CTNNA1: variants seen among roughly 807,000 people sequenced by gnomAD.
CTNNA1 encodes the protein catenin alpha-1.
CTNNA1 carries 37 observed loss-of-function variants against 98.4 expected under a neutral mutation model. That is an observed-to-expected ratio of 0.38 (90% CI 0.29 to 0.49). The LOEUF (loss-of-function observed/expected upper bound fraction) is 0.49, where lower values mean the gene tolerates loss of function less well. Among genes scored for constraint, CTNNA1 ranks in the 20% least tolerant of loss-of-function variants. The pLI is 0.95. For synonymous variants in CTNNA1, 404 were observed against 413.2 expected (o/e 0.98, Z 0.27); for missense variants, 761 against 1,147.2 (o/e 0.66, Z 4.86).
intron 7 of CTNNA1, chr5:138,872,027 A>AGGGT (rs761374260): frequency 4.5e-5 from 6 of 133,148 alleles, no homozygotes; most frequent in Admixed American, 1.5e-4. Flanking sequence ...AGAGCGCGAG[A>AGGGT]GTGTGTGTGT....
intron 7 of CTNNA1, chr5:138,871,077 A>G (rs1331909344): frequency 2.0e-5 from 3 of 152,124 alleles, no homozygotes; most frequent in African/African-American, 7.2e-5. Context: ...GTACTAAGGT[A>G]CCCATCTCTT....
At chr5:138,813,881 G>A (rs1019497200) in intron 5 of CTNNA1, among the ~76,000 whole-genome samples, 1 of 152,114 alleles carries the variant, frequency 6.6e-6, no homozygotes, top group Non-Finnish European at 1.5e-5. Flanking sequence ...GCCTCCCAAG[G>A]TACTGGGATT....
At chr5:138,846,036 C>T (rs1046254477) in intron 7 of CTNNA1, among the ~76,000 whole-genome samples, 13 of 152,278 alleles carry the variant, frequency 8.5e-5, no homozygotes, top group African/African-American at 3.1e-4. Context: ...AAGCGATTCT[C>T]CTGCCTCAGC....
intron 10 of CTNNA1, 159 bp downstream of exon 10, chr5:138,904,600 T>C: frequency 1.0e-6 from 1 of 1,001,148 alleles, no homozygotes; most frequent in Non-Finnish European, 1.4e-6. Context: ...TTGGAATATT[T>C]TTTGTTTAAC....
Position 138,873,340 on chromosome 5 carries a change from G to A in CTNNA1, c.1063-12872G>A, listed in dbSNP as rs774501018. The A allele has an allele frequency of 8.1e-6, 13 of 1,613,916 alleles. No homozygotes were observed. The Admixed American group carries it at 1.7e-4, about 21-fold the overall frequency. On this transcript the variant is annotated intron_variant, in intron 7 of 17. Coordinates refer to ENST00000302763, the MANE Select transcript of CTNNA1 (RefSeq NM_001903.5). The surrounding 1 kb of genome is among the most constrained non-coding windows in gnomAD (Gnocchi z 6.1). ...TGTCTGGTTCAGGAAAGTGTTCCTC[G>A]GTAGTAACTGCTATGCCTGCAGTAG...
At chr5:138,790,091 A>C (rs1429132893) in intron 3 of CTNNA1, among the ~76,000 whole-genome samples, 1 of 152,194 alleles carries the variant, frequency 6.6e-6, no homozygotes, top group African/African-American at 2.4e-5. Context: ...GACAGCCCAG[A>C]GGTAGGACCT....
rs776502655 is a variant in CTNNA1, at chr5:138,874,020, G to A, written c.1063-12192G>A. On this transcript the variant is annotated intron_variant, in intron 7 of 17. Transcript: ENST00000302763. The surrounding 1 kb of genome is among the most constrained non-coding windows in gnomAD (Gnocchi z 4.1). ...CTCAAATCCAGAAACTCCAGACTAC[G>A]ACAGTCCCAGAACAGGCGTACTGGG... 1.7e-5 allele frequency: 28 copies of A among 1,613,826 alleles called. No homozygotes were observed. The highest frequency in any genetic ancestry group is 2.1e-5 in the Non-Finnish European group (25 of 1,179,892).
chr5:138,881,394 A>G (rs1752869312), intron 7 of CTNNA1, among the ~76,000 whole-genome samples: 1 of 152,216 alleles, frequency 6.6e-6, no homozygotes, highest in Non-Finnish European at 1.5e-5. Flanking sequence ...TAGAACAACC[A>G]AGGTCAAATT....
chr5:138,777,790 C>T (rs1422112309), intron 1 of CTNNA1, among the ~76,000 whole-genome samples: 37 of 150,084 alleles, frequency 2.5e-4, no homozygotes, highest in Non-Finnish European at 3.0e-4. Context: ...GAGGCTGCAG[C>T]GAGCTGAGAT....
At chr5:138,850,272 C>A (rs1272438851) in intron 7 of CTNNA1, among the ~76,000 whole-genome samples, 2 of 152,188 alleles carry the variant, frequency 1.3e-5, no homozygotes, top group African/African-American at 4.8e-5. Flanking sequence ...GATATTTAAT[C>A]CTGGATGCCT....
chr5:138,823,042 T>C (rs1193911998), intron 5 of CTNNA1, among the ~76,000 whole-genome samples: 1 of 152,230 alleles, frequency 6.6e-6, no homozygotes, highest in Non-Finnish European at 1.5e-5. Flanking sequence ...AAATTTATAC[T>C]CTAGGATTTA....
intron 7 of CTNNA1, among the ~76,000 whole-genome samples, chr5:138,882,502 T>C (rs1425236468): frequency 6.6e-6 from 1 of 152,164 alleles, no homozygotes; most frequent in East Asian, 1.9e-4. Context: ...TAGGGCACTT[T>C]TTATCTAAGA....
chr5:138,830,429 C>G (rs1475373010), intron 7 of CTNNA1, among the ~76,000 whole-genome samples: 1 of 152,164 alleles, frequency 6.6e-6, no homozygotes, highest in East Asian at 1.9e-4. Context: ...GAGATGGTCT[C>G]TGGGTATGTT....
At chr5:138,776,088 A>G (rs181520651) in intron 1 of CTNNA1, among the ~76,000 whole-genome samples, 1 of 118,588 alleles carries the variant, frequency 8.4e-6, no homozygotes, top group Non-Finnish European at 1.6e-5. Flanking sequence ...GGTGTTTCTC[A>G]CAGAGGGGGA....
chr5:138,819,254 G>A (rs1759768861), intron 5 of CTNNA1, among the ~76,000 whole-genome samples: 1 of 152,160 alleles, frequency 6.6e-6, no homozygotes, highest in Non-Finnish European at 1.5e-5. Context: ...TGTGAAGCCA[G>A]GTGCAACAGC....
intron 3 of CTNNA1, among the ~76,000 whole-genome samples, chr5:138,791,654 G>C (rs1043232358): frequency 1.5e-5 from 2 of 129,678 alleles, no homozygotes; most frequent in South Asian, 2.7e-4. Flanking sequence ...GGTCTTGTTA[G>C]TTTTAGAACA....
chr5:138,804,967 A>T (rs1195784410), intron 3 of CTNNA1, among the ~76,000 whole-genome samples: 1 of 152,174 alleles, frequency 6.6e-6, no homozygotes. Context: ...CAGAAAGCAT[A>T]GTGTCTTCTC....
At chr5:138,786,899 T>C (rs577196961) in intron 3 of CTNNA1, among the ~76,000 whole-genome samples, 13 of 152,306 alleles carry the variant, frequency 8.5e-5, no homozygotes, top group African/African-American at 2.9e-4. Context: ...CAAAAGAAAA[T>C]TTATACAAAC....
At chr5:138,931,002 C>T in intron 16 of CTNNA1, 67 bp downstream of exon 16, 1 of 1,020,100 alleles carries the variant, frequency 9.8e-7, no homozygotes, top group Non-Finnish European at 1.6e-6. Flanking sequence ...CAGCCTGGTC[C>T]ATTCAGGGTA....
Sources: gnomAD v4.1 joint callset for allele counts (sites outside exome capture counted in the v4.1 genomes callset) on GRCh38, gnomAD v4.1.1 for gene constraint, Gnocchi (gnomAD v3.1) non-coding constraint, MANE v1.5 for transcripts, NCBI Gene and HGNC (gene_info 2026-07-23, HGNC 2026-07-21) for gene names.